Variants in NXNL2 observed in about 807,000 individuals in gnomAD.
NXNL2 encodes the protein nucleoredoxin-like protein 2.
A neutral mutation model predicts 11.1 loss-of-function variants in NXNL2; 7 were observed. The observed-to-expected ratio is 0.63, with a 90% CI of 0.36 to 1.18. The LOEUF (loss-of-function observed/expected upper bound fraction) is 1.18, where lower values mean the gene tolerates loss of function less well. Ranked by LOEUF, NXNL2 falls within the 50% of genes most tolerant of loss-of-function variation. The pLI is 0.02. For synonymous variants in NXNL2, 109 were observed against 101.8 expected (o/e 1.07, Z -0.42); for missense variants, 233 against 217.7 (o/e 1.07, Z -0.44).
At chr9:88,554,955 G>A (rs1476574537) in intron 1 of NXNL2, among the ~76,000 whole-genome samples, 1 of 151,870 alleles carries the variant, frequency 6.6e-6, no homozygotes, top group Non-Finnish European at 1.5e-5. Context: ...AATTGACTAG[G>A]AGAGACCAGA....
intron 1 of NXNL2, among the ~76,000 whole-genome samples, chr9:88,541,356 G>T (rs1028235850): frequency 1.3e-5 from 2 of 151,880 alleles, no homozygotes; most frequent in Admixed American, 6.6e-5. Context: ...AAACTCCTGG[G>T]TTCAAGCAAT....
At chr9:88,555,845 G>A (rs912037222) in intron 1 of NXNL2, among the ~76,000 whole-genome samples, 9 of 151,628 alleles carry the variant, frequency 5.9e-5, no homozygotes, top group Middle Eastern at 3.4e-3. Context: ...GGTGCAGAGC[G>A]GCAAAAGGTG....
downstream of NXNL2, among the ~76,000 whole-genome samples, chr9:88,546,148 C>CGCGCGT (rs1554705102): frequency 1.4e-5 from 2 of 147,376 alleles, no homozygotes; most frequent in African/African-American, 5.0e-5. Context: ...ACTGAGTGTT[C>CGCGCGT]GTGTGTGTGT....
chr9:88,581,453 A>T (rs1473478527), intron 1 of NXNL2, among the ~76,000 whole-genome samples: 4 of 144,992 alleles, frequency 2.8e-5, no homozygotes, highest in Admixed American at 2.1e-4. Flanking sequence ...TTTTTTTTTG[A>T]GATGGAGTTT....
chr9:88,566,999 T>TCTATCTATCTATCTAC lies in NXNL2; in HGVS notation c.303-4073_303-4072insCCTATCTATCTATCTA, dbSNP rs1554706811. ...ATCTATCTATCTATCTATCTATCTA[T>TCTATCTATCTATCTAC]CTATCTATCTATCTATCTATCATCT... On this transcript the variant is annotated intron_variant, in intron 1 of 2. Coordinates refer to the NXNL2 transcript ENST00000375855. 1.2e-3 allele frequency among the ~76,000 whole-genome samples: 181 copies of TCTATCTATCTATCTAC among 145,792 alleles called. 2 individuals are homozygous for TCTATCTATCTATCTAC. Among genetic ancestry groups the TCTATCTATCTATCTAC allele is most frequent in the Admixed American group, 9.0e-3 (134 of 14,922 alleles).
At chr9:88,541,234 C>T (rs759341549) in intron 1 of NXNL2, among the ~76,000 whole-genome samples, 3 of 148,730 alleles carry the variant, frequency 2.0e-5, no homozygotes, top group Non-Finnish European at 4.5e-5. Context: ...TATTCTTCTG[C>T]ATTCTCTCTT....
intron 1 of NXNL2, among the ~76,000 whole-genome samples, chr9:88,555,280 T>C (rs1465543355): frequency 6.6e-6 from 1 of 152,202 alleles, no homozygotes; most frequent in Non-Finnish European, 1.5e-5. Context: ...GATCATATGC[T>C]AAACAAAGTG....
chr9:88,535,835 C>G, intron 1 of NXNL2, 99 bp downstream of exon 1: 1 of 876,272 alleles, frequency 1.1e-6, no homozygotes. Flanking sequence ...TATGACGCCC[C>G]CCCCCAACAC....
chr9:88,562,821 T>G (rs1450988075), intron 1 of NXNL2, among the ~76,000 whole-genome samples: 1 of 150,384 alleles, frequency 6.6e-6, no homozygotes, highest in Admixed American at 6.7e-5. Context: ...GAGGAAATTT[T>G]GCTTATTGAC....
Position 88,535,624 on chromosome 9 carries a change from C to T in NXNL2, c.190C>T (p.Pro64Ser). The change falls in exon 1 of 2, where the codon CCC becomes TCC. Residue 64 changes from proline to serine, a missense_variant. Physicochemically the swap from Pro to Ser is moderately conservative, Grantham distance 74 (BLOSUM62 -1). Transcript: ENST00000375854. ...ALVAEARRPA[P>S]FEVVFVSADG... ...GGTGGCCGAGGCGCGGCGGCCCGCG[C>T]CCTTCGAAGTGGTCTTCGTGTCAGC... is the stretch of plus-strand genomic sequence containing the variant. The T allele has an allele frequency of 6.2e-7, 1 of 1,608,978 alleles. No individual in the cohort carries two copies. The highest frequency in any genetic ancestry group is 8.5e-7 in the Non-Finnish European group (1 of 1,179,396).
intron 1 of NXNL2, among the ~76,000 whole-genome samples, chr9:88,537,342 G>A (rs59144429): frequency 0.036 from 5,536 of 152,256 alleles, 300 homozygotes; most frequent in African/African-American, 0.12. Flanking sequence ...AGATTGGACT[G>A]GGGAGGTCAT....
intron 1 of NXNL2, among the ~76,000 whole-genome samples, chr9:88,564,544 G>A (rs1259191715): frequency 6.6e-6 from 1 of 152,050 alleles, no homozygotes; most frequent in African/African-American, 2.4e-5. Flanking sequence ...AGCCTCTGAT[G>A]TAGCTGGGAT....
intron 1 of NXNL2, among the ~76,000 whole-genome samples, chr9:88,570,280 G>A (rs975176921): frequency 1.3e-5 from 2 of 151,896 alleles, no homozygotes; most frequent in African/African-American, 2.4e-5. Flanking sequence ...CACCATGTCC[G>A]GCTAATTTTG....
At chr9:88,558,533 C>T (rs984416894) in intron 1 of NXNL2, among the ~76,000 whole-genome samples, 1 of 152,096 alleles carries the variant, frequency 6.6e-6, no homozygotes, top group South Asian at 2.1e-4. Context: ...AGGAGAGGGT[C>T]ATGGGAACCC....
chr9:88,542,584 C>T (rs567637193), intron 1 of NXNL2, among the ~76,000 whole-genome samples: 5 of 152,056 alleles, frequency 3.3e-5, no homozygotes, highest in Non-Finnish European at 5.9e-5. Context: ...CACCCGCACC[C>T]GGCCCCAAAA....
At chr9:88,540,143 TA>T (rs1829720227) in intron 1 of NXNL2, among the ~76,000 whole-genome samples, 1 of 151,936 alleles carries the variant, frequency 6.6e-6, no homozygotes, top group Admixed American at 6.5e-5. Context: ...CCATCCTGGC[TA>T]ACACGGTGAA....
downstream of NXNL2, among the ~76,000 whole-genome samples, chr9:88,576,733 T>A (rs2118550805): frequency 6.6e-6 from 1 of 152,256 alleles, no homozygotes; most frequent in African/African-American, 2.4e-5. Flanking sequence ...CAGAGCTTGT[T>A]TTCCTGGGAC....
At chr9:88,576,762 C>T (rs1159388333), downstream of NXNL2, among the ~76,000 whole-genome samples, 1 of 152,208 alleles carries the variant, frequency 6.6e-6, no homozygotes, top group Non-Finnish European at 1.5e-5. Context: ...AGACTACAGG[C>T]AGCCCGTAGC....
downstream of NXNL2, among the ~76,000 whole-genome samples, chr9:88,546,189 C>T (rs373003695): frequency 3.5e-5 from 5 of 141,604 alleles, no homozygotes; most frequent in East Asian, 9.3e-4. Flanking sequence ...GAACCACAAC[C>T]ACACACTTTT....
Sources: gnomAD v4.1 joint callset for allele counts (sites outside exome capture counted in the v4.1 genomes callset) on GRCh38, gnomAD v4.1.1 for gene constraint, MANE v1.5 for transcripts, NCBI Gene and HGNC (gene_info 2026-07-23, HGNC 2026-07-21) for gene names.